Variants in WDR11 observed in about 807,000 individuals in gnomAD.
The protein encoded by WDR11 is WD repeat-containing protein 11.
Under a neutral mutation model 151.2 loss-of-function variants are expected in WDR11, and 83 were observed. That is an observed-to-expected ratio of 0.55 (90% confidence interval 0.46 to 0.66). The LOEUF (loss-of-function observed/expected upper bound fraction) is 0.66, where lower values mean the gene tolerates loss of function less well. Among genes scored for constraint, WDR11 ranks in the 30% least tolerant of loss-of-function variants. WDR11 has a pLI of 0.00. For missense variants in WDR11, 1,301 were observed against 1,480.9 expected (o/e 0.88, Z 1.99); for synonymous variants, 484 against 533.1 (o/e 0.91, Z 1.27).
In WDR11 at chr10:120,858,624, T is replaced by C. The variant is rs765236291; in HGVS notation, c.199-19T>C. 1.2e-6 allele frequency: 2 copies of C among 1,614,070 alleles called. No individual in the cohort carries two copies. The highest frequency in any genetic ancestry group is 1.7e-5 in the Admixed American group (1 of 60,016). The stretch of plus-strand genomic sequence containing the variant: ...ATCCAGCGCAAGTATTTACTTGATC[T>C]GATTTCTTCTTGATACAGGTTAAAT... On this transcript the variant is annotated intron_variant, in intron 2 of 28. Transcript: ENST00000263461.
At chr10:120,858,502 T>C (rs1846025495) in intron 2 of WDR11, 141 bp from the exon 3 acceptor site, 2 of 1,052,352 alleles carry the variant, frequency 1.9e-6, no homozygotes, top group East Asian at 5.2e-5. Context: ...GCCTTCAAAA[T>C]GAAAACCAGT....
At chr10:120,891,022 A>G (rs1847413513) in intron 19 of WDR11, 135 bp downstream of exon 19, 2 of 938,536 alleles carry the variant, frequency 2.1e-6, no homozygotes, top group South Asian at 3.2e-5. Flanking sequence ...AAGAAAATAT[A>G]TTAACTTGAA....
At position 120,872,708 on chromosome 10, in the gene WDR11, A is replaced by G. The variant is rs549473694; in HGVS notation, c.1472-1131A>G. ...TTGTTAAAACTTTCAGATTGCAGAA[A>G]TCATTGGATTATTATGAAGTTCTGT... On this transcript the variant is annotated intron_variant, in intron 10 of 28. Transcript: ENST00000263461. Among the ~76,000 whole-genome samples, 9 of 152,304 alleles carry G rather than the reference A, an allele frequency of 5.9e-5. No individual in the cohort carries two copies. The South Asian group carries it at 1.2e-3, about 21-fold the overall frequency.
At chr10:120,891,198 ACT>A (rs1847419102) in intron 19 of WDR11, among the ~76,000 whole-genome samples, 2 of 152,108 alleles carry the variant, frequency 1.3e-5, no homozygotes, top group South Asian at 4.1e-4. Context: ...ATTTAGGCAA[ACT>A]CATCAGAGGA....
At chr10:120,906,177 G>A (rs1848036632) in intron 27 of WDR11, 156 bp downstream of exon 27, 1 of 1,524,878 alleles carries the variant, frequency 6.6e-7, no homozygotes, top group African/African-American at 1.4e-5. Context: ...GAATGGAACT[G>A]TCCGTATTCA....
chr10:120,906,765 C>T lies in WDR11; in HGVS notation c.3438-11C>T, dbSNP rs1848070408. ...CACAAAGCATAACTCTTGTTTTGTT[C>T]TGTTGAGCAGCATGAGATACTTTGA... is the stretch of plus-strand genomic sequence containing the variant. On this transcript the variant is annotated splice_polypyrimidine_tract_variant and intron_variant, in intron 27 of 28. Transcript: ENST00000263461. 1 of 1,614,086 alleles carries T rather than the reference C, an allele frequency of 6.2e-7. No homozygotes were observed. The highest frequency in any genetic ancestry group is 1.3e-5 in the African/African-American group (1 of 75,030).
At chr10:120,895,151 C>A (rs563748967) in intron 19 of WDR11, among the ~76,000 whole-genome samples, 160 of 152,252 alleles carry the variant, frequency 1.1e-3, no homozygotes, top group African/African-American at 3.6e-3. Context: ...TAAGAAATTA[C>A]CACACAGCAT....
chr10:120,885,732 G>A (rs201215712), intron 14 of WDR11, 82 bp from the exon 15 acceptor site: 94 of 1,523,480 alleles, frequency 6.2e-5, no homozygotes, highest in Middle Eastern at 1.7e-4. Context: ...CTGGGCAGTG[G>A]TGTGTGTGCC....
At chr10:120,859,782 G>T (rs967036060) in intron 3 of WDR11, among the ~76,000 whole-genome samples, 2 of 152,096 alleles carry the variant, frequency 1.3e-5, no homozygotes, top group Non-Finnish European at 2.9e-5. Context: ...TGACATCTTG[G>T]TTGTGGCTAA....
Position 120,902,328 on chromosome 10 carries a change from A to G in WDR11, c.2753+6A>G, listed in dbSNP as rs776981487. On this transcript the variant is annotated splice_donor_region_variant and intron_variant, in intron 22 of 28. Transcript: ENST00000263461. ...AGGTGCCTGCTTGTTTCAAGGTAAT[A>G]TTGTTTGATGTATTCTGTATAAGAG... 9 of 1,611,990 alleles carry G rather than the reference A, an allele frequency of 5.6e-6. No homozygotes were observed. The South Asian group carries it at 7.7e-5, about 14-fold the overall frequency.
chr10:120,853,305 G>A (rs1365060768), intron 2 of WDR11, among the ~76,000 whole-genome samples: 3 of 151,250 alleles, frequency 2.0e-5, no homozygotes, highest in Non-Finnish European at 4.4e-5. Context: ...TCACTCTGTC[G>A]CCCAGGCTGG....
intron 13 of WDR11, among the ~76,000 whole-genome samples, chr10:120,881,648 T>A (rs1030911636): frequency 1.2e-4 from 18 of 152,180 alleles, no homozygotes; most frequent in African/African-American, 3.1e-4. Context: ...ATGACATTTT[T>A]AAATTTCAAT....
intron 9 of WDR11, among the ~76,000 whole-genome samples, chr10:120,869,207 T>C (rs1209109793): frequency 6.7e-6 from 1 of 148,362 alleles, no homozygotes; most frequent in African/African-American, 2.5e-5. Context: ...GCCTCCCGGG[T>C]TCACGCCATT....
At chr10:120,855,829 A>G (rs1420426231) in intron 2 of WDR11, among the ~76,000 whole-genome samples, 1 of 152,126 alleles carries the variant, frequency 6.6e-6, no homozygotes, top group African/African-American at 2.4e-5. Flanking sequence ...GTTTTCATTG[A>G]TAATCTGTGT....
At position 120,886,681 on chromosome 10, in the gene WDR11, T is replaced by C; in HGVS notation, c.1974-8T>C. ...AACATCTTTATCATATGTTTCACTATCCCAAAGCTTGCTGCAGGAGGCAGA... is the reference window on the plus strand; with the variant it reads ...AACATCTTTATCATATGTTTCACTACCCCAAAGCTTGCTGCAGGAGGCAGA... On this transcript the variant is annotated splice_polypyrimidine_tract_variant and splice_region_variant and intron_variant, in intron 15 of 28. Coordinates refer to ENST00000263461, the MANE Select transcript of WDR11 (RefSeq NM_018117.12). The C allele has an allele frequency of 2.5e-6, 4 of 1,613,358 alleles. No individual in the cohort carries two copies. Among genetic ancestry groups the C allele is most frequent in the Non-Finnish European group, 3.4e-6 (4 of 1,179,656 alleles).
rs1482359609 is a variant in WDR11 at position 120,908,599 on chromosome 10, G to C, written c.3561G>C (p.Leu1187Phe). The C allele has an allele frequency of 6.2e-7, 1 of 1,614,226 alleles. No homozygotes were observed. Among genetic ancestry groups the C allele is most frequent in the Non-Finnish European group, 8.5e-7 (1 of 1,180,028 alleles). Residue 1187 changes from leucine to phenylalanine, a missense_variant, in exon 29 of 29, where the codon TTG (leucine) becomes TTC (phenylalanine). This residue lies in a region of WDR11 where 589 missense variants were observed against 670.6 expected (regional missense o/e 0.88). Transcript: ENST00000263461. Reference sequence around the variant, plus strand: ...TATATGCAGATTATGCCCGGAGTTTGAAGAACCTCGGTTTTAAGCAGGGAG... The same window carrying C: ...TATATGCAGATTATGCCCGGAGTTTCAAGAACCTCGGTTTTAAGCAGGGAG... ...TAIYADYARS[L>F]KNLGFKQGAV...
At chr10:120,871,116 T>G in intron 9 of WDR11, 54 bp from the exon 10 acceptor site, 1 of 1,584,104 alleles carries the variant, frequency 6.3e-7, no homozygotes, top group Non-Finnish European at 8.6e-7. Flanking sequence ...CTTTAGCTTT[T>G]TAAGATCAGC....
At chr10:120,906,414 A>G (rs1848047887) in intron 27 of WDR11, 1 of 1,245,272 alleles carries the variant, frequency 8.0e-7, no homozygotes, top group African/African-American at 1.5e-5. Flanking sequence ...AACAACCATC[A>G]CTAATTGTGG....
intron 23 of WDR11, 136 bp from the exon 24 acceptor site, chr10:120,903,911 T>C (rs1241709025): frequency 9.6e-6 from 6 of 623,200 alleles, no homozygotes; most frequent in Non-Finnish European, 1.7e-5. Context: ...ATGTTTGGGG[T>C]GCTGTAAAGT....
Sources: gnomAD v4.1 joint callset for allele counts (sites outside exome capture counted in the v4.1 genomes callset) on GRCh38, gnomAD v4.1.1 for gene constraint, gnomAD v4.1.1 regional missense constraint, MANE v1.5 for transcripts, NCBI Gene and HGNC (gene_info 2026-07-23, HGNC 2026-07-21) for gene names.